KIRREL3: variants seen among roughly 807,000 people sequenced by gnomAD.
KIRREL3 encodes the protein kirre like nephrin family adhesion molecule 3.
KIRREL3 carries 36 observed loss-of-function variants against 89.7 expected under a neutral mutation model. The ratio of observed to expected loss-of-function variants is 0.40; its 90% CI spans 0.31 to 0.53. The LOEUF (loss-of-function observed/expected upper bound fraction) is 0.53. Ranked by LOEUF, KIRREL3 falls within the 20% of genes least tolerant of loss-of-function variation. The pLI, the probability that KIRREL3 is intolerant of heterozygous loss-of-function variation, is 0.49. For synonymous variants in KIRREL3, 445 were observed against 441.4 expected (o/e 1.01, Z -0.10); for missense variants, 864 against 1,056.6 (o/e 0.82, Z 2.53).
At chr11:126,440,025 G>C (rs1046777101) in intron 11 of KIRREL3, among the ~76,000 whole-genome samples, 1 of 152,050 alleles carries the variant, frequency 6.6e-6, no homozygotes, top group Non-Finnish European at 1.5e-5. Context: ...GACAGTAAAG[G>C]CCACAGAGAC....
intron 1 of KIRREL3, among the ~76,000 whole-genome samples, chr11:126,673,939 A>T (rs911952937): frequency 2.6e-5 from 4 of 152,162 alleles, no homozygotes; most frequent in Non-Finnish European, 5.9e-5. Flanking sequence ...ATCTATGTGA[A>T]CACTTCTCTG....
rs532076979 is a variant in KIRREL3, at chr11:126,775,349, T to G, written c.56-212437A>C. 6.8e-3 allele frequency among the ~76,000 whole-genome samples: 1,036 copies of G among 152,254 alleles called. 4 individuals carry two copies. The highest frequency in any genetic ancestry group is 0.012 in the Non-Finnish European group (834 of 68,012). ...CTGAGTTAAACACCAGGCTGCATAT[T>G]TTTCCTGCCAGGATGGACACTTCCA... On this transcript the variant is annotated intron_variant, in intron 1 of 16. Transcript: ENST00000525144.
intron 2 of KIRREL3, among the ~76,000 whole-genome samples, chr11:126,548,529 T>G (rs1938998980): frequency 6.6e-6 from 1 of 152,244 alleles, no homozygotes; most frequent in Non-Finnish European, 1.5e-5. Context: ...AGTTTCTTAC[T>G]GGGACTGGGC....
Position 126,569,467 on chromosome 11 carries a change from AG to A in KIRREL3, c.56-6556del, listed in dbSNP as rs1184681424. On this transcript the variant is annotated intron_variant, in intron 1 of 16. Transcript: ENST00000525144. This position sits in a 1 kb window ranked among gnomAD's most constrained non-coding sequence, Gnocchi z 6.5. ...ATAAATGTGACTGGTGTAAAGTCCAAGGCACAGACACTCGCAAAGAGGCCAC... is the reference window on the plus strand; with the variant it reads ...ATAAATGTGACTGGTGTAAAGTCCAAGCACAGACACTCGCAAAGAGGCCAC... 1.3e-5 allele frequency among the ~76,000 whole-genome samples: 2 copies of A among 152,250 alleles called. No individual in the cohort carries two copies. Among genetic ancestry groups the A allele is most frequent in the Non-Finnish European group, 2.9e-5 (2 of 68,044 alleles).
At chr11:126,866,152 G>C (rs1037770644) in intron 1 of KIRREL3, among the ~76,000 whole-genome samples, 4 of 152,252 alleles carry the variant, frequency 2.6e-5, no homozygotes, top group Non-Finnish European at 5.9e-5. Context: ...GGATCTTAGA[G>C]AGTGATGGGG....
rs1271569773 is a variant in KIRREL3, at chr11:126,442,298, T to C, written c.1253-1749A>G. Among the ~76,000 whole-genome samples the C allele has an allele frequency of 5.0e-5, 5 of 100,944 alleles. No individual in the cohort carries two copies. In the East Asian group the frequency reaches 1.1e-3, roughly 21 times the overall value. 66.2% of individuals were successfully genotyped at this position (100,944 alleles called of 152,430 possible). A position where few individuals can be genotyped will look rare whatever the true frequency, so the allele number is the denominator to read the frequency against. ...CAAAAAAAAAACAAAAAACCCAACA[T>C]GCACAGACACACAAAACACACACAC... On this transcript the variant is annotated intron_variant, in intron 10 of 16. Transcript: ENST00000525144.
At chr11:126,856,577 ATATATATATATATATATATG>A (rs1488301570) in intron 1 of KIRREL3, among the ~76,000 whole-genome samples, 1 of 14,616 alleles carries the variant, frequency 6.8e-5, no homozygotes, top group Non-Finnish European at 1.1e-4. Context: ...ATATATATAT[ATATATATATATATATATATG>A]TATATATACA....
chr11:126,448,744 C>A (rs1342365002), intron 8 of KIRREL3, among the ~76,000 whole-genome samples: 1 of 152,216 alleles, frequency 6.6e-6, no homozygotes, highest in Non-Finnish European at 1.5e-5. Flanking sequence ...ACGATGGCAC[C>A]CTGATTTCAG....
chr11:126,884,286 G>A (rs528981920), intron 1 of KIRREL3, among the ~76,000 whole-genome samples: 127 of 152,288 alleles, frequency 8.3e-4, no homozygotes, highest in Admixed American at 1.5e-3. Context: ...AGCAGCTCTA[G>A]GATTGTCATT....
chr11:126,952,449 T>C (rs1475070045), intron 1 of KIRREL3, among the ~76,000 whole-genome samples: 1 of 152,146 alleles, frequency 6.6e-6, no homozygotes, highest in African/African-American at 2.4e-5. Context: ...TCTGGTAAAT[T>C]TGTTTAAGTT....
rs1592323721 is a variant in KIRREL3, at chr11:126,905,514, G to T, written c.55+94941C>A. On this transcript the variant is annotated intron_variant, in intron 1 of 16. Coordinates refer to ENST00000525144, the MANE Select transcript of KIRREL3 (RefSeq NM_032531.4). This position sits in a 1 kb window ranked among gnomAD's most constrained non-coding sequence, Gnocchi z 5.0. ...CATAAGGCAATTTGTGGCATTTACT[G>T]TTCATCGCTCAGGGGTCAGAGGGTG... Among the ~76,000 whole-genome samples the T allele has an allele frequency of 6.6e-6, 1 of 152,084 alleles. No homozygotes were observed. The highest frequency in any genetic ancestry group is 1.9e-4 in the East Asian group (1 of 5,176).
At chr11:126,448,700 C>G (rs1234477723) in intron 8 of KIRREL3, among the ~76,000 whole-genome samples, 1 of 152,150 alleles carries the variant, frequency 6.6e-6, no homozygotes, top group East Asian at 1.9e-4. Flanking sequence ...CAGCTGCCTG[C>G]AAGCCAGGAA....
Position 126,795,430 on chromosome 11 carries a change from C to T in KIRREL3, c.55+205025G>A, listed in dbSNP as rs1202459191. 3.3e-5 allele frequency among the ~76,000 whole-genome samples: 5 copies of T among 152,246 alleles called. No homozygotes were observed. The highest frequency in any genetic ancestry group is 4.8e-5 in the African/African-American group (2 of 41,542). On this transcript the variant is annotated intron_variant, in intron 1 of 16. Transcript: ENST00000525144. This position sits in a 1 kb window ranked among gnomAD's most constrained non-coding sequence, Gnocchi z 4.1. ...TGTGACCCAGCCTGGAGTGCAGTGG[C>T]GTGATCTCTGCTCACTGCAACCTCC...
chr11:126,939,645 G>A (rs75593810), intron 1 of KIRREL3, among the ~76,000 whole-genome samples: 1,823 of 152,220 alleles, frequency 0.012, 15 homozygotes, highest in Non-Finnish European at 0.019. Context: ...GGATCACACC[G>A]GTACCTTTGT....
At chr11:126,735,779 C>A (rs1433096399) in intron 1 of KIRREL3, among the ~76,000 whole-genome samples, 1 of 152,218 alleles carries the variant, frequency 6.6e-6, no homozygotes, top group Admixed American at 6.5e-5. Flanking sequence ...GTGAACAAAT[C>A]CAGCTAAAAA....
chr11:126,446,572 G>A (rs906134607), intron 9 of KIRREL3, among the ~76,000 whole-genome samples, 187 bp downstream of exon 9: 14 of 152,246 alleles, frequency 9.2e-5, no homozygotes, highest in African/African-American at 3.4e-4. Context: ...AATGTGCTCA[G>A]GGTGGGACAG....
At chr11:126,632,602 C>T (rs1225548102) in intron 1 of KIRREL3, among the ~76,000 whole-genome samples, 2 of 151,022 alleles carry the variant, frequency 1.3e-5, no homozygotes, top group Non-Finnish European at 3.0e-5. Flanking sequence ...CACAGATTGC[C>T]TTCTTACCTT....
chr11:126,538,801 G>C (rs764570878), intron 2 of KIRREL3, among the ~76,000 whole-genome samples: 1 of 152,176 alleles, frequency 6.6e-6, no homozygotes, highest in Non-Finnish European at 1.5e-5. Context: ...TGCAGGAGGG[G>C]CTGATATGTC....
intron 1 of KIRREL3, among the ~76,000 whole-genome samples, chr11:126,600,815 C>G (rs1252954986): frequency 6.6e-6 from 1 of 152,180 alleles, no homozygotes; most frequent in African/African-American, 2.4e-5. Flanking sequence ...TCTCATCTTT[C>G]AAAGCTTGGC....
Sources: gnomAD v4.1 joint callset for allele counts (sites outside exome capture counted in the v4.1 genomes callset) on GRCh38, gnomAD v4.1.1 for gene constraint, Gnocchi (gnomAD v3.1) non-coding constraint, MANE v1.5 for transcripts, NCBI Gene and HGNC (gene_info 2026-07-23, HGNC 2026-07-21) for gene names.